SUMF1: variants seen among roughly 807,000 people sequenced by gnomAD.
The protein encoded by SUMF1 is sulfatase modifying factor 1.
A neutral mutation model predicts 47.6 loss-of-function variants in SUMF1; 48 were observed. The ratio of observed to expected loss-of-function variants is 1.01; its 90% CI spans 0.80 to 1.28. The LOEUF (loss-of-function observed/expected upper bound fraction) is 1.28, where lower values mean the gene tolerates loss of function less well. SUMF1 is among the 50% of genes most tolerant of loss of function. The pLI is 0.00. For missense variants in SUMF1, 571 were observed against 485.4 expected, an observed-to-expected ratio of 1.18 and a Z score of -1.66; for synonymous variants, 230 against 192.1, an observed-to-expected ratio of 1.20 and a Z score of -1.63.
chr3:4,359,187 T>C (rs1176814667), downstream of SUMF1, among the ~76,000 whole-genome samples: 1 of 152,218 alleles, frequency 6.6e-6, no homozygotes, highest in Non-Finnish European at 1.5e-5. Context: ...TTATAAAGTG[T>C]AGTGACTATA....
At chr3:4,167,399 T>C (rs776049193) in intron 8 of SUMF1, among the ~76,000 whole-genome samples, 1 of 152,106 alleles carries the variant, frequency 6.6e-6, no homozygotes, top group African/African-American at 2.4e-5. Flanking sequence ...TGCTGAATGG[T>C]CCATTTTATA....
At position 4,280,452 on chromosome 3, in the gene SUMF1, T is replaced by C. The variant is rs1697504209; in HGVS notation, c.1014+95878A>G. ...TAGAGGTACTGAACTTGAAGTACCT[T>C]GACTTAAAATTTTTTTTATAAAGCC... On this transcript the variant is annotated intron_variant and NMD_transcript_variant, in intron 8 of 12. Transcript: ENST00000448413. Among the ~76,000 whole-genome samples, 3 of 152,076 alleles carry C rather than the reference T, an allele frequency of 2.0e-5. No homozygotes were observed. The South Asian group carries it at 6.2e-4, about 32-fold the overall frequency.
chr3:4,309,501 C>T (rs774765991), intron 8 of SUMF1, among the ~76,000 whole-genome samples: 8 of 152,160 alleles, frequency 5.3e-5, no homozygotes, highest in Non-Finnish European at 7.4e-5. Context: ...AAACATAACA[C>T]AAACTGGCTC....
At chr3:4,265,754 T>A (rs1029723600) in intron 8 of SUMF1, among the ~76,000 whole-genome samples, 4 of 152,248 alleles carry the variant, frequency 2.6e-5, no homozygotes, top group Admixed American at 2.6e-4. Flanking sequence ...TTTGTCAATT[T>A]TGGCTTTTGT....
At chr3:4,176,290 A>C (rs1414330251) in intron 8 of SUMF1, among the ~76,000 whole-genome samples, 1 of 152,170 alleles carries the variant, frequency 6.6e-6, no homozygotes, top group East Asian at 1.9e-4. Flanking sequence ...GCCAGAGAGA[A>C]AGGTCGAGTT....
chr3:4,379,367 G>A (rs1471720257), intron 7 of SUMF1, among the ~76,000 whole-genome samples: 1 of 152,192 alleles, frequency 6.6e-6, no homozygotes, highest in Non-Finnish European at 1.5e-5. Flanking sequence ...GATGCACAGA[G>A]GAACACAGAG....
chr3:4,073,821 G>A (rs544573194), intron 8 of SUMF1, among the ~76,000 whole-genome samples: 1 of 152,246 alleles, frequency 6.6e-6, no homozygotes, highest in Admixed American at 6.5e-5. Flanking sequence ...CAATACAGGA[G>A]CACCCAGATT....
At chr3:4,365,200 G>A (rs1699909854) in intron 8 of SUMF1, among the ~76,000 whole-genome samples, 1 of 122,940 alleles carries the variant, frequency 8.1e-6, no homozygotes, top group Non-Finnish European at 1.9e-5. Context: ...CTGTTGATTT[G>A]GGGTGGAGAG....
In SUMF1 at chr3:4,161,213, T is replaced by C. The variant is rs113954147; in HGVS notation, c.1015-92468A>G. Among the ~76,000 whole-genome samples the C allele has an allele frequency of 1.2e-3, 188 of 152,246 alleles. 1 individual carries two copies. The highest frequency in any genetic ancestry group is 4.1e-3 in the African/African-American group (172 of 41,546). On this transcript the variant is annotated intron_variant and NMD_transcript_variant, in intron 8 of 12. Transcript: ENST00000448413. ...CTCTTTGTGCTGTGCTGCCTGGAGC[T>C]AGGGGAGGGTGACACAAGCACCCCT...
intron 7 of SUMF1, among the ~76,000 whole-genome samples, chr3:4,393,867 A>C (rs913048735): frequency 7.2e-5 from 11 of 151,896 alleles, no homozygotes; most frequent in Middle Eastern, 3.2e-3. Flanking sequence ...TCAGTTTTGT[A>C]CTTGTTTTCT....
intron 3 of SUMF1, among the ~76,000 whole-genome samples, chr3:4,442,616 T>C (rs1284721451): frequency 4.4e-5 from 4 of 91,020 alleles, no homozygotes; most frequent in Admixed American, 1.3e-4. Flanking sequence ...ACTCCTGAAA[T>C]AGAGGGACAA....
intron 6 of SUMF1, among the ~76,000 whole-genome samples, chr3:4,414,413 CAA>C (rs1387186944): frequency 3.6e-4 from 55 of 152,318 alleles, no homozygotes; most frequent in African/African-American, 1.3e-3. Flanking sequence ...ATCTCATTAT[CAA>C]AGTTAAATTC....
intron 8 of SUMF1, among the ~76,000 whole-genome samples, chr3:4,206,330 G>A (rs954666061): frequency 1.1e-4 from 17 of 151,944 alleles, no homozygotes; most frequent in Non-Finnish European, 5.9e-5. Flanking sequence ...ACCAGAACTT[G>A]CTCAGGAATC....
intron 8 of SUMF1, among the ~76,000 whole-genome samples, chr3:4,111,200 T>C (rs918086155): frequency 4.6e-5 from 7 of 151,814 alleles, no homozygotes; most frequent in Admixed American, 1.3e-4. Flanking sequence ...TAGTGGAACT[T>C]GGGTATAGGA....
intron 8 of SUMF1, among the ~76,000 whole-genome samples, chr3:4,171,177 T>C (rs920277690): frequency 2.3e-4 from 35 of 152,198 alleles, no homozygotes; most frequent in Non-Finnish European, 1.0e-4. Flanking sequence ...ACCCCCATCA[T>C]GCAGAATTTT....
chr3:4,113,649 G>A (rs1410941176), intron 8 of SUMF1, among the ~76,000 whole-genome samples: 1 of 152,042 alleles, frequency 6.6e-6, no homozygotes, highest in Non-Finnish European at 1.5e-5. Flanking sequence ...GCTAAAAGAG[G>A]TGGTCAATAC....
chr3:4,425,718 G>T (rs1702047180), intron 3 of SUMF1, among the ~76,000 whole-genome samples: 1 of 152,122 alleles, frequency 6.6e-6, no homozygotes, highest in Non-Finnish European at 1.5e-5. Flanking sequence ...TAGGGCAAGG[G>T]GAGTGTATTA....
intron 8 of SUMF1, among the ~76,000 whole-genome samples, chr3:4,078,071 G>A (rs921976673): frequency 5.3e-5 from 8 of 152,118 alleles, no homozygotes; most frequent in East Asian, 3.9e-4. Flanking sequence ...TGGCAAGAGC[G>A]CAGCTTCCCC....
At chr3:4,101,941 G>T (rs1463073857) in intron 8 of SUMF1, among the ~76,000 whole-genome samples, 1 of 152,088 alleles carries the variant, frequency 6.6e-6, no homozygotes, top group African/African-American at 2.4e-5. Flanking sequence ...ATGGTGGAAG[G>T]CACCTGTTCA....
Sources: allele counts gnomAD v4.1 joint callset (sites outside exome capture counted in the v4.1 genomes callset), GRCh38; gene constraint gnomAD v4.1.1; transcripts MANE v1.5; gene names NCBI Gene and HGNC (gene_info 2026-07-23, HGNC 2026-07-21).